Variants in DENND3 observed in about 807,000 individuals in gnomAD.
DENND3 encodes DENN domain containing 3.
A neutral mutation model predicts 135.1 loss-of-function variants in DENND3; 88 were observed. The observed-to-expected ratio is 0.65, with a 90% CI of 0.55 to 0.78. The LOEUF (loss-of-function observed/expected upper bound fraction) is 0.78. DENND3 is among the 30% of genes least tolerant of loss of function. The pLI is 0.00. For missense variants in DENND3, 1,392 were observed against 1,688.4 expected, an observed-to-expected ratio of 0.82 and a Z score of 3.08; for synonymous variants, 693 against 712.3, an observed-to-expected ratio of 0.97 and a Z score of 0.43.
Position 141,130,936 on chromosome 8 carries a change from C to T in DENND3, c.102+2127C>T, listed in dbSNP as rs942346765. ...TCCTGACCTCACGATCTGCCCGCCTCGGCCTCCCAAAGTGTTGGGATTATA... is the reference window on the plus strand; with the variant it reads ...TCCTGACCTCACGATCTGCCCGCCTTGGCCTCCCAAAGTGTTGGGATTATA... On this transcript the variant is annotated intron_variant, in intron 1 of 22. Coordinates refer to ENST00000519811, the MANE Select transcript of DENND3 (RefSeq NM_001352890.3). The surrounding 1 kb of genome is among the most constrained non-coding windows in gnomAD (Gnocchi z 4.2). Among the ~76,000 whole-genome samples the T allele has an allele frequency of 1.2e-4, 18 of 152,274 alleles. No homozygotes were observed. The highest frequency in any genetic ancestry group is 3.9e-4 in the Admixed American group (6 of 15,288).
chr8:141,168,122 C>T lies in DENND3; in HGVS notation c.1872C>T (p.Ala624=). 1 of 1,614,210 alleles carries T rather than the reference C, an allele frequency of 6.2e-7. No homozygotes were observed. Among genetic ancestry groups the T allele is most frequent in the Non-Finnish European group, 8.5e-7 (1 of 1,180,042 alleles). ...HAHFVSMLSE[A]MCFLAPDNSL... is the part of the protein sequence containing the mutation. ...ACTTTGTCTCCATGCTGAGCGAGGC[C>T]ATGTGCTTTCTGGCCCCCGATAACT... is the stretch of plus-strand genomic sequence containing the variant. The change falls in exon 13 of 23, where the codon GCC becomes GCT. Residue 624 remains alanine, a synonymous_variant. Transcript: ENST00000519811. This position sits in a 1 kb window ranked among gnomAD's most constrained non-coding sequence, Gnocchi z 6.2.
Position 141,192,526 on chromosome 8 carries a change from G to A in DENND3, c.3499G>A (p.Glu1167Lys), listed in dbSNP as rs755772604. The change falls in exon 22 of 23, where the codon GAG becomes AAG. Residue 1167 changes from glutamate to lysine, a missense_variant and splice_region_variant. Physicochemically the swap from Glu to Lys is moderately conservative, Grantham distance 56 (BLOSUM62 1). Coordinates refer to ENST00000519811, the MANE Select transcript of DENND3 (RefSeq NM_001352890.3). ...GCCCACACCGTGCCCTGCGTTTCAG[G>A]AGGAGCAGCTGTGGGCGGCCTGTGC... The part of the protein sequence containing the change: ...SFLAFQLLPE[E>K]EQLWAACAGR... The A allele has an allele frequency of 1.9e-6, 3 of 1,598,784 alleles. No individual in the cohort carries two copies. The East Asian group carries it at 6.7e-5, about 36-fold the overall frequency.
rs1819183782 is a variant in DENND3 at position 141,154,389 on chromosome 8, G to C, written c.1075-1460G>C. 1.3e-5 allele frequency among the ~76,000 whole-genome samples: 2 copies of C among 152,144 alleles called. No homozygotes were observed. The highest frequency in any genetic ancestry group is 4.8e-5 in the African/African-American group (2 of 41,450). On this transcript the variant is annotated intron_variant, in intron 7 of 22. Coordinates refer to ENST00000519811, the MANE Select transcript of DENND3 (RefSeq NM_001352890.3). This position sits in a 1 kb window ranked among gnomAD's most constrained non-coding sequence, Gnocchi z 4.4. ...GGCCCCTGCCCATGCTCTGGTGCTT[G>C]GAGGGGCGGAGCTGGCTGGGGAGCT...
chr8:141,180,172 C>T (rs1822910191), intron 16 of DENND3, among the ~76,000 whole-genome samples: 1 of 152,230 alleles, frequency 6.6e-6, no homozygotes, highest in Admixed American at 6.5e-5. Flanking sequence ...TTGACAGCAC[C>T]TGGAGATATC....
At chr8:141,186,971 C>T (rs1468460679) in intron 18 of DENND3, among the ~76,000 whole-genome samples, 3 of 152,354 alleles carry the variant, frequency 2.0e-5, no homozygotes, top group East Asian at 3.9e-4. Flanking sequence ...CTCCCCCGCA[C>T]CGTGGCCTGC....
chr8:141,160,022 C>G (rs1397684671), intron 8 of DENND3, among the ~76,000 whole-genome samples: 1 of 152,202 alleles, frequency 6.6e-6, no homozygotes, highest in African/African-American at 2.4e-5. Flanking sequence ...GCAGCCTGAC[C>G]TGGAAGCCTT....
Position 141,194,152 on chromosome 8 carries a change from G to A in DENND3, c.3756G>A (p.Thr1252=), listed in dbSNP as rs914193518. The change falls in exon 23 of 23, where the codon ACG becomes ACA. Residue 1252 remains threonine, a synonymous_variant. Coordinates refer to ENST00000519811, the MANE Select transcript of DENND3 (RefSeq NM_001352890.3). ...ELVAHMDTVR[T]LCSAEDRYVL... ...TGGCGCACATGGACACCGTGAGGACGCTGTGCTCGGCTGAGGACAGATACG... is the reference window on the plus strand; with the variant it reads ...TGGCGCACATGGACACCGTGAGGACACTGTGCTCGGCTGAGGACAGATACG... The A allele has an allele frequency of 1.2e-5, 20 of 1,613,814 alleles. No individual in the cohort carries two copies. Among genetic ancestry groups the A allele is most frequent in the East Asian group, 2.2e-5 (1 of 44,880 alleles).
At position 141,190,131 on chromosome 8, in the gene DENND3, GTTA is replaced by G. The variant is rs371353664; in HGVS notation, c.3246-148_3246-146del. Among the ~76,000 whole-genome samples, 239 of 151,876 alleles carry G rather than the reference GTTA, an allele frequency of 1.6e-3. 1 individual carries two copies. The highest frequency in any genetic ancestry group is 4.5e-3 in the Admixed American group (69 of 15,280). On this transcript the variant is annotated intron_variant, in intron 19 of 22. Coordinates refer to ENST00000519811, the MANE Select transcript of DENND3 (RefSeq NM_001352890.3). ...TCATGTTTGCAGGTTACGTTTGCAG[GTTA>G]TTATGTTTGCATGTTATTATCATGT...
chr8:141,136,428 A>C, intron 1 of DENND3, 81 bp from the exon 2 acceptor site: 4 of 1,378,298 alleles, frequency 2.9e-6, no homozygotes, highest in Non-Finnish European at 3.8e-6. Context: ...GAGAAAAACA[A>C]GCAGTGAAGC....
intron 16 of DENND3, among the ~76,000 whole-genome samples, chr8:141,179,149 T>G (rs2154613383): frequency 6.6e-6 from 1 of 152,380 alleles, no homozygotes; most frequent in South Asian, 2.1e-4. Context: ...TCTGCCACTT[T>G]CTGGGTACAG....
In DENND3 at chr8:141,163,051, G is replaced by A. The variant is rs7016324; in HGVS notation, c.1353-282G>A. On this transcript the variant is annotated intron_variant, in intron 9 of 22. Transcript: ENST00000519811. ...GAACTCAGTTTCATGTGTGTGGACC[G>A]CAACTGACTTTTGTGTCTTAATTTG... is the stretch of plus-strand genomic sequence containing the variant. Among the ~76,000 whole-genome samples, 1,095 of 152,322 alleles carry A rather than the reference G, an allele frequency of 7.2e-3. 16 individuals carry two copies. Among genetic ancestry groups the A allele is most frequent in the African/African-American group, 0.025 (1,045 of 41,568 alleles).
At chr8:141,129,426 C>A (rs1815657399) in intron 1 of DENND3, among the ~76,000 whole-genome samples, 1 of 152,182 alleles carries the variant, frequency 6.6e-6, no homozygotes, top group South Asian at 2.1e-4. Context: ...CACCCCCACC[C>A]CCAACCCTTC....
intron 7 of DENND3, 128 bp from the exon 8 acceptor site, chr8:141,155,721 A>C (rs1819352732): frequency 9.5e-6 from 12 of 1,265,260 alleles, no homozygotes; most frequent in African/African-American, 1.5e-5. Flanking sequence ...TGTGCATTTT[A>C]AAGAGGGTCA....
At chr8:141,142,080 T>C (rs986571495) in intron 4 of DENND3, 23 of 295,074 alleles carry the variant, frequency 7.8e-5, no homozygotes, top group South Asian at 5.8e-4. Context: ...TCCCTGCTGA[T>C]GGTGAGTAGA....
At chr8:141,155,508 A>T (rs914073520) in intron 7 of DENND3, among the ~76,000 whole-genome samples, 1 of 151,688 alleles carries the variant, frequency 6.6e-6, no homozygotes, top group African/African-American at 2.4e-5. Flanking sequence ...GGCTCAAGGG[A>T]TCCTCCTGCC....
At position 141,150,903 on chromosome 8, in the gene DENND3, C is replaced by G. The variant is rs758457058; in HGVS notation, c.805C>G (p.Leu269Val). 5.2e-5 allele frequency: 83 copies of G among 1,609,980 alleles called. No homozygotes were observed. Among genetic ancestry groups the G allele is most frequent in the Non-Finnish European group, 7.0e-5 (83 of 1,179,002 alleles). The stretch of plus-strand genomic sequence containing the variant: ...AGACCCCGAAAGCCCCATCCTGGAC[C>G]TGGACCTTCACCTGCCCTTGCTGTG... ...RADPESPILDLDLHLPLLCFR... is the reference protein window; with the variant it reads ...RADPESPILDVDLHLPLLCFR... Residue 269 changes from leucine (L) to valine (V), a missense_variant, in exon 6 of 23, where the codon CTG (leucine) becomes GTG (valine). By Grantham distance (32) the Leu-to-Val change is conservative. Transcript: ENST00000519811.
At chr8:141,190,241 G>A in intron 19 of DENND3, 43 bp from the exon 20 acceptor site, 1 of 1,511,486 alleles carries the variant, frequency 6.6e-7, no homozygotes, top group Non-Finnish European at 8.9e-7. Flanking sequence ...AGTGTTTTCA[G>A]GGGCCCAAGT....
chr8:141,141,419 G>T lies in DENND3; in HGVS notation c.623+95G>T. ...GACCAGGGGGCTGGAGGTGGTGGGG[G>T]GGCAGCTCTCTGTTCCTCTCCTGGT... On this transcript the variant is annotated intron_variant, in intron 4 of 22. Coordinates refer to ENST00000519811, the MANE Select transcript of DENND3 (RefSeq NM_001352890.3). This position sits in a 1 kb window ranked among gnomAD's most constrained non-coding sequence, Gnocchi z 5.3. 9.0e-6 allele frequency: 13 copies of T among 1,444,138 alleles called. No individual in the cohort carries two copies. Among genetic ancestry groups the T allele is most frequent in the Non-Finnish European group, 1.2e-5 (13 of 1,058,016 alleles). The allele number at this position is 1,444,138 out of a possible 1,614,324, so 89.5% of individuals were successfully genotyped here. A position where few individuals can be genotyped will look rare whatever the true frequency, so the allele number is the denominator to read the frequency against.
Position 141,188,970 on chromosome 8 carries a change from C to T in DENND3, c.3085-16C>T, listed in dbSNP as rs769991243. On this transcript the variant is annotated splice_polypyrimidine_tract_variant and intron_variant, in intron 18 of 22. Coordinates refer to ENST00000519811, the MANE Select transcript of DENND3 (RefSeq NM_001352890.3). The stretch of plus-strand genomic sequence containing the variant: ...GAGACTGACTGATTTCTCACGTTCC[C>T]GTGGCCTCCTGTTAGAACTGCATGG... 25 of 1,607,888 alleles carry T rather than the reference C, an allele frequency of 1.6e-5. No individual in the cohort carries two copies. Among genetic ancestry groups the T allele is most frequent in the Admixed American group, 1.2e-4 (7 of 58,202 alleles).
Sources: allele counts gnomAD v4.1 joint callset (sites outside exome capture counted in the v4.1 genomes callset), GRCh38; gene constraint gnomAD v4.1.1; non-coding constraint Gnocchi (gnomAD v3.1); transcripts MANE v1.5; gene names NCBI Gene and HGNC (gene_info 2026-07-23, HGNC 2026-07-21).